The following DEPDC5 variants were observed in gnomAD, a reference collection of about 807,000 sequenced individuals.
DEPDC5 encodes GATOR1 complex protein DEPDC5.
Under a neutral mutation model 217.3 loss-of-function variants are expected in DEPDC5, and 73 were observed. The observed-to-expected ratio is 0.34, with a 90% CI of 0.28 to 0.41. The LOEUF (loss-of-function observed/expected upper bound fraction) is 0.41. DEPDC5 is among the 10% of genes least tolerant of loss of function. The pLI is 1.00. For synonymous variants in DEPDC5, 733 were observed against 756.7 expected (o/e 0.97, Z 0.51); for missense variants, 1,675 against 2,070.1 (o/e 0.81, Z 3.70).
At chr22:31,787,231 T>TAA (rs2085096162) in intron 10 of DEPDC5, among the ~76,000 whole-genome samples, 1 of 152,020 alleles carries the variant, frequency 6.6e-6, no homozygotes, top group Admixed American at 6.6e-5. Context: ...TACAGGCATT[T>TAA]GCTACCACAC....
chr22:31,815,725 G>C, intron 21 of DEPDC5: 1 of 816,854 alleles, frequency 1.2e-6, no homozygotes, highest in Non-Finnish European at 1.7e-6. Context: ...GTAGAGGTGG[G>C]GTTTTACCAT....
At chr22:31,774,791 A>G (rs2083673066) in intron 7 of DEPDC5, among the ~76,000 whole-genome samples, 2 of 152,246 alleles carry the variant, frequency 1.3e-5, no homozygotes, top group South Asian at 4.1e-4. Context: ...CACCCTGGGC[A>G]ACATAGCAAG....
At chr22:31,761,164 G>A (rs1057179919) in intron 4 of DEPDC5, among the ~76,000 whole-genome samples, 16 of 151,982 alleles carry the variant, frequency 1.1e-4, no homozygotes, top group Admixed American at 6.6e-5. Flanking sequence ...TGTATTTTTA[G>A]TAGACACGAG....
chr22:31,904,124 C>T (rs2093714343), intron 41 of DEPDC5, among the ~76,000 whole-genome samples: 1 of 148,660 alleles, frequency 6.7e-6, no homozygotes, highest in Non-Finnish European at 1.5e-5. Context: ...TGACCTACAG[C>T]TCCTCCTTCA....
At chr22:31,787,110 C>T (rs962395454) in intron 10 of DEPDC5, among the ~76,000 whole-genome samples, 2 of 150,362 alleles carry the variant, frequency 1.3e-5, no homozygotes, top group Admixed American at 1.3e-4. Context: ...TTTTTTGAGA[C>T]AGGGTCTCAC....
At chr22:31,784,265 A>T (rs765640944) in intron 9 of DEPDC5, 2 of 249,038 alleles carry the variant, frequency 8.0e-6, no homozygotes, top group Non-Finnish European at 1.5e-5. Flanking sequence ...TAAAGAAATA[A>T]ATAAACTTGG....
chr22:31,832,317 G>A (rs1175259335), intron 24 of DEPDC5, among the ~76,000 whole-genome samples: 3 of 152,128 alleles, frequency 2.0e-5, no homozygotes, highest in African/African-American at 7.2e-5. Context: ...GTAGATTGCT[G>A]GGTCAAATGG....
chr22:31,860,226 G>A (rs532843296), intron 32 of DEPDC5, among the ~76,000 whole-genome samples: 5 of 152,194 alleles, frequency 3.3e-5, no homozygotes, highest in Non-Finnish European at 5.9e-5. Flanking sequence ...GCTCAGAAAT[G>A]CCCAACTGTT....
intron 25 of DEPDC5, chr22:31,834,273 G>A: frequency 2.6e-6 from 1 of 378,384 alleles, no homozygotes; most frequent in Non-Finnish European, 4.9e-6. Context: ...ACCCTTAACT[G>A]CCTAATGATA....
intron 8 of DEPDC5, among the ~76,000 whole-genome samples, chr22:31,782,225 C>T (rs1569518704): frequency 6.6e-6 from 1 of 151,420 alleles, no homozygotes; most frequent in Admixed American, 6.6e-5. Context: ...GCATCCTCAG[C>T]CTCCCGGATT....
chr22:31,887,083 G>GAA (rs552759243), intron 38 of DEPDC5, among the ~76,000 whole-genome samples: 2 of 99,962 alleles, frequency 2.0e-5, no homozygotes, highest in Non-Finnish European at 4.2e-5. Context: ...ATTCCATCTC[G>GAA]AAAAAAAAAA....
chr22:31,882,877 G>A (rs2093213861), intron 38 of DEPDC5, among the ~76,000 whole-genome samples: 1 of 152,018 alleles, frequency 6.6e-6, no homozygotes. Context: ...TCCTGCCTCA[G>A]CCTCCCAAAG....
At chr22:31,783,065 G>A (rs2084613543) in intron 8 of DEPDC5, among the ~76,000 whole-genome samples, 1 of 152,146 alleles carries the variant, frequency 6.6e-6, no homozygotes, top group Non-Finnish European at 1.5e-5. Context: ...TCTAGCTAGA[G>A]GATTGTAAAT....
intron 24 of DEPDC5, among the ~76,000 whole-genome samples, chr22:31,826,939 T>A (rs932689184): frequency 1.3e-5 from 2 of 151,726 alleles, no homozygotes; most frequent in Non-Finnish European, 2.9e-5. Context: ...TCCTCTGTTG[T>A]CCAGGATAGA....
rs183443533 is a variant in DEPDC5 at position 31,765,033 on chromosome 22, T to C, written c.252T>C (p.Asp84=). 92 of 1,614,118 alleles carry C rather than the reference T, an allele frequency of 5.7e-5. No individual in the cohort carries two copies. In the Admixed American group the frequency reaches 8.0e-4, roughly 14 times the overall value. Residue 84 remains aspartate (D), a synonymous_variant, in exon 5 of 43, where the codon GAT becomes GAC. Coordinates refer to ENST00000651528, the MANE Select transcript of DEPDC5 (RefSeq NM_001242896.3). Reference sequence around the variant, plus strand: ...TGTTCCGGCTGAGACCTTATCAGGATGTCTATGTTAATGTCGTAGACCCTA... The same window carrying C: ...TGTTCCGGCTGAGACCTTATCAGGACGTCTATGTTAATGTCGTAGACCCTA... The part of the protein sequence containing the change: ...TQVFRLRPYQ[D]VYVNVVDPKD...
chr22:31,848,181 G>A (rs944326080), intron 31 of DEPDC5, among the ~76,000 whole-genome samples: 2 of 151,926 alleles, frequency 1.3e-5, no homozygotes, highest in African/African-American at 2.4e-5. Flanking sequence ...ACCCCACTTC[G>A]GGCTGCTTTT....
intron 10 of DEPDC5, among the ~76,000 whole-genome samples, chr22:31,787,502 G>A (rs952008522): frequency 1.3e-5 from 2 of 152,044 alleles, no homozygotes; most frequent in Non-Finnish European, 1.5e-5. Flanking sequence ...GTGCATCAAC[G>A]GACATTGTCA....
At chr22:31,840,246 C>T (rs2091309284) in intron 27 of DEPDC5, among the ~76,000 whole-genome samples, 1 of 152,032 alleles carries the variant, frequency 6.6e-6, no homozygotes, top group African/African-American at 2.4e-5. Flanking sequence ...ACCCAAAGTA[C>T]ATGTAGGAGT....
In DEPDC5 at chr22:31,802,628, T is replaced by C. The variant is rs80107296; in HGVS notation, c.947-76T>C. 1.9e-3 allele frequency: 2,664 copies of C among 1,419,832 alleles called. 2 individuals carry two copies. Among genetic ancestry groups the C allele is most frequent in the Non-Finnish European group, 2.3e-3 (2,498 of 1,071,602 alleles). The allele number at this position is 1,419,832 out of a possible 1,614,324, so 88.0% of individuals were successfully genotyped here. ...AAATATGGGCAGAATGCTCTGAGAG[T>C]GTAGAGATGCTTGTCTGTGACAGGG... is the stretch of plus-strand genomic sequence containing the variant. On this transcript the variant is annotated intron_variant, in intron 14 of 42. Coordinates refer to ENST00000651528, the MANE Select transcript of DEPDC5 (RefSeq NM_001242896.3).
Sources: gnomAD v4.1 joint callset for allele counts (sites outside exome capture counted in the v4.1 genomes callset) on GRCh38, gnomAD v4.1.1 for gene constraint, MANE v1.5 for transcripts, NCBI Gene and HGNC (gene_info 2026-07-23, HGNC 2026-07-21) for gene names.